Variants in IL1RAPL2 observed in about 807,000 individuals in gnomAD.
The protein encoded by IL1RAPL2 is interleukin 1 receptor accessory protein like 2, also known as X-linked interleukin-1 receptor accessory protein-like 2.
A neutral mutation model predicts 44.1 loss-of-function variants in IL1RAPL2; 3 were observed. That is an observed-to-expected ratio of 0.07 (90% CI 0.03 to 0.18). The LOEUF (loss-of-function observed/expected upper bound fraction) is 0.18. Among genes scored for constraint, IL1RAPL2 ranks in the 10% least tolerant of loss-of-function variants. The pLI is 1.00. For synonymous variants in IL1RAPL2, 181 were observed against 178.8 expected (o/e 1.01, Z -0.10); for missense variants, 391 against 496.4 (o/e 0.79, Z 2.02).
chrX:104,967,413 T>A (rs371546300), intron 2 of IL1RAPL2, among the ~76,000 whole-genome samples: 20 of 110,838 alleles, frequency 1.8e-4, no homozygotes, highest in African/African-American at 6.2e-4. Flanking sequence ...CAAACTGATA[T>A]AGAGAAAGAA....
intron 6 of IL1RAPL2, among the ~76,000 whole-genome samples, chrX:105,568,398 C>G (rs1267522917): frequency 1.8e-5 from 2 of 111,561 alleles, no homozygotes; most frequent in African/African-American, 6.5e-5. Context: ...AGAGTTATTT[C>G]AAAAAGAAAA....
At chrX:104,915,624 T>C (rs1924397285) in intron 2 of IL1RAPL2, among the ~76,000 whole-genome samples, 3 of 111,049 alleles carry the variant, frequency 2.7e-5, no homozygotes, top group Non-Finnish European at 5.7e-5. Context: ...TTTGGTGTTT[T>C]AGACATGAAG....
At chrX:105,684,435 C>G (rs2037951883) in intron 6 of IL1RAPL2, among the ~76,000 whole-genome samples, 1 of 112,722 alleles carries the variant, frequency 8.9e-6, no homozygotes, top group South Asian at 3.6e-4. Context: ...ACTGCTAGTG[C>G]AGCAGTCTGA....
intron 1 of IL1RAPL2, among the ~76,000 whole-genome samples, chrX:104,602,007 G>T (rs183521582): frequency 8.9e-6 from 1 of 112,335 alleles, no homozygotes; most frequent in African/African-American, 3.2e-5. Context: ...ACCAACAGTA[G>T]ATTGGATAAA....
chrX:105,046,768 G>A (rs1296616500), intron 2 of IL1RAPL2, among the ~76,000 whole-genome samples: 1 of 103,286 alleles, frequency 9.7e-6, no homozygotes, highest in African/African-American at 3.5e-5. Flanking sequence ...GACACCATTC[G>A]TTTTTCATTG....
chrX:104,647,593 A>G, intron 1 of IL1RAPL2: 1 of 520,814 alleles, frequency 1.9e-6, no homozygotes, highest in Non-Finnish European at 3.5e-6. Flanking sequence ...TTAGTTCTCC[A>G]GCATCAAAGT....
intron 2 of IL1RAPL2, among the ~76,000 whole-genome samples, chrX:104,989,407 G>A (rs140226622): frequency 0.011 from 1,240 of 111,572 alleles, 19 homozygotes; most frequent in African/African-American, 0.038. Flanking sequence ...AGAAATAAAC[G>A]GGATGTGAAG....
At chrX:105,748,696 T>C (rs937638354) in intron 8 of IL1RAPL2, among the ~76,000 whole-genome samples, 2 of 112,315 alleles carry the variant, frequency 1.8e-5, no homozygotes, top group East Asian at 2.8e-4. Flanking sequence ...TGTGACATCT[T>C]AGATGCGTTC....
At chrX:105,000,743 T>C (rs1256720547) in intron 2 of IL1RAPL2, among the ~76,000 whole-genome samples, 2 of 112,028 alleles carry the variant, frequency 1.8e-5, no homozygotes, top group Non-Finnish European at 3.8e-5. Context: ...TACATTAAAA[T>C]GGTGCCTGTT....
chrX:105,360,826 G>A (rs530369621), intron 5 of IL1RAPL2, among the ~76,000 whole-genome samples: 27 of 111,186 alleles, frequency 2.4e-4, no homozygotes, highest in African/African-American at 7.2e-4. Context: ...TTTAAAAGCC[G>A]TTTCCAAAGT....
At chrX:105,176,657 C>T (rs1011339686) in intron 2 of IL1RAPL2, among the ~76,000 whole-genome samples, 3 of 110,704 alleles carry the variant, frequency 2.7e-5, no homozygotes, top group African/African-American at 9.9e-5. Context: ...CCAGGTACCC[C>T]ACAGCAACAC....
chrX:105,248,329 A>T (rs1217227814), intron 4 of IL1RAPL2, among the ~76,000 whole-genome samples: 1 of 111,717 alleles, frequency 9.0e-6, no homozygotes, highest in Non-Finnish European at 1.9e-5. Flanking sequence ...AGATTATATG[A>T]TTGCATACCT....
chrX:104,857,384 G>A (rs1165217608), intron 2 of IL1RAPL2, among the ~76,000 whole-genome samples: 1 of 111,702 alleles, frequency 9.0e-6, no homozygotes. Flanking sequence ...TTGTAAAGAT[G>A]TACCAGATCC....
chrX:104,729,680 C>A (rs1931866153), intron 2 of IL1RAPL2, among the ~76,000 whole-genome samples: 1 of 108,511 alleles, frequency 9.2e-6, no homozygotes, highest in Non-Finnish European at 1.9e-5. Context: ...TCAAGTAGAC[C>A]CCAGTGTATG....
chrX:105,618,595 A>G (rs926047722), intron 6 of IL1RAPL2, among the ~76,000 whole-genome samples: 2 of 111,499 alleles, frequency 1.8e-5, no homozygotes. Context: ...ACCAGTTACT[A>G]TATGTGTGAC....
intron 3 of IL1RAPL2, chrX:105,220,080 G>A (rs1556178785): frequency 1.5e-5 from 18 of 1,211,623 alleles, no homozygotes; most frequent in Non-Finnish European, 1.7e-5. Flanking sequence ...CTGATGCCAA[G>A]GCCTGTGCGG....
At chrX:105,407,791 C>T (rs183077890) in intron 5 of IL1RAPL2, among the ~76,000 whole-genome samples, 211 of 111,923 alleles carry the variant, frequency 1.9e-3, no homozygotes, top group Non-Finnish European at 2.5e-3. Flanking sequence ...CACTACAACA[C>T]TTATAAATGA....
intron 5 of IL1RAPL2, among the ~76,000 whole-genome samples, chrX:105,384,018 T>C (rs1405315700): frequency 1.8e-5 from 2 of 111,996 alleles, no homozygotes; most frequent in African/African-American, 6.5e-5. Flanking sequence ...TTAATTCCTA[T>C]TCAGTTGAAT....
chrX:104,647,600 A>T, intron 1 of IL1RAPL2: 1 of 523,831 alleles, frequency 1.9e-6, no homozygotes, highest in Non-Finnish European at 3.5e-6. Context: ...TCCAGCATCA[A>T]AGTGAGACAC....
Sources: gnomAD v4.1 joint callset for allele counts (sites outside exome capture counted in the v4.1 genomes callset) on GRCh38, gnomAD v4.1.1 for gene constraint, MANE v1.5 for transcripts, NCBI Gene and HGNC (gene_info 2026-07-23, HGNC 2026-07-21) for gene names.